Variants in RARB observed in about 807,000 individuals in gnomAD.
The protein encoded by RARB is HBV-activated protein.
In RARB, 17 loss-of-function variants were observed where a neutral mutation model predicts 51.9. The observed-to-expected ratio is 0.33, with a 90% CI of 0.22 to 0.49. The LOEUF is 0.49. Ranked by LOEUF, RARB falls within the 20% of genes least tolerant of loss-of-function variation. The pLI is 0.99. For missense variants in RARB, 369 were observed against 550.8 expected (o/e 0.67, Z 3.30); for synonymous variants, 215 against 195.4 (o/e 1.10, Z -0.84).
At chr3:25,101,061 G>A (rs1699391262) in intron 3 of RARB, among the ~76,000 whole-genome samples, 1 of 152,150 alleles carries the variant, frequency 6.6e-6, no homozygotes, top group African/African-American at 2.4e-5. Context: ...GATTTATTTG[G>A]TGGAACATCA....
In RARB at chr3:25,106,992, C is replaced by T. The variant is rs568787395; in HGVS notation, c.-327-25169C>T. ...CTCAGCTCACTGCAACCTCCGCCTC[C>T]CGGGTTCAAGCAATTCTCCTGCCTC... On this transcript the variant is annotated intron_variant, in intron 3 of 11. Transcript: ENST00000383772. Among the ~76,000 whole-genome samples the T allele has an allele frequency of 2.6e-5, 4 of 151,978 alleles. No individual in the cohort carries two copies. The East Asian group carries it at 7.8e-4, about 29-fold the overall frequency.
intron 5 of RARB, among the ~76,000 whole-genome samples, chr3:25,299,411 G>A (rs1361569246): frequency 6.6e-6 from 1 of 151,960 alleles, no homozygotes; most frequent in Non-Finnish European, 1.5e-5. Flanking sequence ...TGTTGCCCAG[G>A]CTGGTCTCAA....
chr3:24,837,609 A>G (rs1025941170), intron 1 of RARB, among the ~76,000 whole-genome samples: 1 of 152,230 alleles, frequency 6.6e-6, no homozygotes, highest in Non-Finnish European at 1.5e-5. Context: ...TTCAGATTCT[A>G]TGTGATTTTC....
At chr3:24,975,990 A>T (rs1020713087) in intron 2 of RARB, among the ~76,000 whole-genome samples, 1 of 151,814 alleles carries the variant, frequency 6.6e-6, no homozygotes. Context: ...TCATTGTTCA[A>T]CTCCCACTTA....
At chr3:25,524,064 T>A (rs375076562) in intron 3 of RARB, among the ~76,000 whole-genome samples, 9 of 152,210 alleles carry the variant, frequency 5.9e-5, no homozygotes, top group African/African-American at 2.2e-4. Context: ...TACTATAGGT[T>A]GTTCACTGCA....
chr3:25,349,573 T>A (rs939366047), intron 5 of RARB, among the ~76,000 whole-genome samples: 1 of 152,160 alleles, frequency 6.6e-6, no homozygotes, highest in East Asian at 1.9e-4. Flanking sequence ...AGAACGTATT[T>A]TTCCTGTATT....
intron 5 of RARB, among the ~76,000 whole-genome samples, chr3:25,301,437 CT>C (rs1704035392): frequency 1.1e-5 from 1 of 94,634 alleles, no homozygotes; most frequent in African/African-American, 3.3e-5. Context: ...CAGCTCTGTG[CT>C]GGTGATATAA....
intron 3 of RARB, among the ~76,000 whole-genome samples, chr3:25,513,204 T>C (rs961815289): frequency 6.6e-6 from 1 of 151,264 alleles, no homozygotes; most frequent in Non-Finnish European, 1.5e-5. Context: ...GGAGAATCGC[T>C]TGGACCTGGG....
intron 1 of RARB, among the ~76,000 whole-genome samples, chr3:25,446,229 G>C (rs1708924908): frequency 6.6e-6 from 1 of 152,246 alleles, no homozygotes; most frequent in South Asian, 2.1e-4. Flanking sequence ...CCCTGGAAGT[G>C]AGGAAATGCA....
At chr3:24,963,705 G>T (rs1369211873) in intron 2 of RARB, among the ~76,000 whole-genome samples, 1 of 151,890 alleles carries the variant, frequency 6.6e-6, no homozygotes, top group Admixed American at 6.6e-5. Context: ...TGTGGGCCGA[G>T]CATCTCTGCC....
At chr3:25,034,690 G>C (rs1003718726) in intron 2 of RARB, among the ~76,000 whole-genome samples, 1 of 152,116 alleles carries the variant, frequency 6.6e-6, no homozygotes, top group African/African-American at 2.4e-5. Context: ...GACACTCTTT[G>C]ACTTAGCCAA....
intron 5 of RARB, among the ~76,000 whole-genome samples, chr3:25,196,565 T>C (rs957431322): frequency 1.3e-5 from 2 of 152,162 alleles, no homozygotes; most frequent in Non-Finnish European, 1.5e-5. Context: ...ACATGATTTA[T>C]AATCCTTTGG....
chr3:25,168,965 A>T (rs1559490271), intron 4 of RARB, among the ~76,000 whole-genome samples: 1 of 152,260 alleles, frequency 6.6e-6, no homozygotes, highest in Non-Finnish European at 1.5e-5. Context: ...AGAATTTCAC[A>T]CACACAGGAT....
intron 5 of RARB, among the ~76,000 whole-genome samples, chr3:25,255,322 TCA>T (rs1025971885): frequency 6.6e-6 from 1 of 152,162 alleles, no homozygotes; most frequent in Admixed American, 6.5e-5. Context: ...CGGTAAGTGA[TCA>T]CAGTTTGTTC....
chr3:25,153,466 C>T (rs1157857455), intron 4 of RARB, among the ~76,000 whole-genome samples: 1 of 150,172 alleles, frequency 6.7e-6, no homozygotes, highest in African/African-American at 2.4e-5. Flanking sequence ...ATTTGTACGA[C>T]TTCTGCTGTT....
chr3:25,419,784 A>G (rs941324130), intron 5 of RARB, among the ~76,000 whole-genome samples: 1 of 152,086 alleles, frequency 6.6e-6, no homozygotes, highest in Non-Finnish European at 1.5e-5. Context: ...AGTATTTGAT[A>G]TTTCTGTCTA....
At chr3:25,442,277 A>C (rs1357166190) in intron 1 of RARB, among the ~76,000 whole-genome samples, 1 of 152,088 alleles carries the variant, frequency 6.6e-6, no homozygotes, top group Admixed American at 6.6e-5. Context: ...CTGGGATTAC[A>C]GGAGCGCGCT....
rs1001523061 is a variant in RARB, at chr3:25,594,682, T to A, written c.1150+4T>A. 1 of 1,606,610 alleles carries A rather than the reference T, an allele frequency of 6.2e-7. No individual in the cohort carries two copies. The highest frequency in any genetic ancestry group is 8.5e-7 in the Non-Finnish European group (1 of 1,177,188). On this transcript the variant is annotated splice_donor_region_variant and intron_variant, in intron 7 of 7. Coordinates refer to ENST00000330688, the MANE Select transcript of RARB (RefSeq NM_000965.5). ...CTCCGTAGCATCAGTGCTAAAGGTA[T>A]GTCTTCGTGCTCTCAGTACTGTAGT...
chr3:25,173,952 A>G (rs948682216), intron 4 of RARB, among the ~76,000 whole-genome samples: 6 of 152,194 alleles, frequency 3.9e-5, no homozygotes, highest in Admixed American at 6.5e-5. Flanking sequence ...GTTGTAGTCT[A>G]TGTTAGAATG....
Sources: allele counts gnomAD v4.1 joint callset (sites outside exome capture counted in the v4.1 genomes callset), GRCh38; gene constraint gnomAD v4.1.1; transcripts MANE v1.5; gene names NCBI Gene and HGNC (gene_info 2026-07-23, HGNC 2026-07-21).